The following ROCK2 variants were observed in gnomAD, a reference collection of about 807,000 sequenced individuals.
ROCK2 encodes the protein rho-associated protein kinase 2.
Under a neutral mutation model 195.1 loss-of-function variants are expected in ROCK2, and 61 were observed. The observed-to-expected ratio is 0.31, with a 90% CI of 0.25 to 0.39. The LOEUF is 0.39. Ranked by LOEUF, ROCK2 falls within the 10% of genes least tolerant of loss-of-function variation. The probability of loss-of-function intolerance (pLI) is 1.00; values close to 1 mark genes in which losing one functional copy is unlikely to be tolerated. For missense variants in ROCK2, 1,109 were observed against 1,637.4 expected (o/e 0.68, Z 5.57); for synonymous variants, 504 against 545.5 (o/e 0.92, Z 1.06).
chr2:11,244,276 T>G (rs1427885792), intron 4 of ROCK2, among the ~76,000 whole-genome samples: 1 of 152,190 alleles, frequency 6.6e-6, no homozygotes, highest in Admixed American at 6.5e-5. Flanking sequence ...GCCTCTTAGG[T>G]TGCAAAGCCT....
chr2:11,207,546 T>C (rs1381977756), intron 20 of ROCK2, among the ~76,000 whole-genome samples, 180 bp downstream of exon 20: 2 of 152,136 alleles, frequency 1.3e-5, no homozygotes, highest in Admixed American at 6.5e-5. Context: ...GTAAAAACTG[T>C]TGGGGAAACG....
Position 11,235,923 on chromosome 2 carries a change from C to T in ROCK2, c.502G>A (p.Val168Ile), listed in dbSNP as rs1016039350. Reference sequence around the variant, plus strand: ...TCTCCACCAGGCATGTACTCCATTACCATGTACAGATACCTATCATCTTGA... The same window carrying T: ...TCTCCACCAGGCATGTACTCCATTATCATGTACAGATACCTATCATCTTGA... The part of the protein sequence containing the change: ...AFQDDRYLYM[V>I]MEYMPGGDLV... Residue 168 changes from valine to isoleucine, a missense_variant, in exon 5 of 33, where the codon GTA becomes ATA. Physicochemically the swap from Val to Ile is conservative, Grantham distance 29. Around this residue, in one of 6 missense-constraint regions of ROCK2, gnomAD observed 253 missense variants for 455.5 expected, o/e 0.56. Coordinates refer to ENST00000315872, the MANE Select transcript of ROCK2 (RefSeq NM_004850.5). The surrounding 1 kb of genome is among the most constrained non-coding windows in gnomAD (Gnocchi z 4.2). The T allele has an allele frequency of 6.2e-7, 1 of 1,602,916 alleles. No individual in the cohort carries two copies.
intron 3 of ROCK2, among the ~76,000 whole-genome samples, chr2:11,270,810 A>T (rs998771197): frequency 6.6e-6 from 1 of 151,632 alleles, no homozygotes; most frequent in African/African-American, 2.4e-5. Flanking sequence ...TGGTTTGATA[A>T]TTTTAGTGTT....
chr2:11,325,565 T>C lies in ROCK2; in HGVS notation c.141+18431A>G, dbSNP rs568978108. ...AAGTTATTTAATATGGGGTGGGATA[T>C]GAGAGAAAGGGAGGAGTAAGGGACA... On this transcript the variant is annotated intron_variant, in intron 1 of 32. Coordinates refer to ENST00000315872, the MANE Select transcript of ROCK2 (RefSeq NM_004850.5). 2.0e-5 allele frequency among the ~76,000 whole-genome samples: 3 copies of C among 152,194 alleles called. No homozygotes were observed. The East Asian group carries it at 5.8e-4, about 29-fold the overall frequency.
chr2:11,343,096 T>C (rs188088425), intron 1 of ROCK2, among the ~76,000 whole-genome samples: 15 of 152,266 alleles, frequency 9.9e-5, no homozygotes, highest in Admixed American at 8.5e-4. Context: ...GTCAATTTAA[T>C]ACACAGAGTA....
At chr2:11,253,073 A>G (rs1160654380) in intron 3 of ROCK2, among the ~76,000 whole-genome samples, 3 of 152,008 alleles carry the variant, frequency 2.0e-5, no homozygotes, top group Admixed American at 6.6e-5. Flanking sequence ...GGGCTAGATT[A>G]CATCTGTCCA....
At chr2:11,253,251 C>T (rs1005732478) in intron 3 of ROCK2, among the ~76,000 whole-genome samples, 1 of 152,176 alleles carries the variant, frequency 6.6e-6, no homozygotes, top group Non-Finnish European at 1.5e-5. Flanking sequence ...ACCTTCCCGA[C>T]TTAAATCTTG....
rs758748287 is a variant in ROCK2 at position 11,192,232 on chromosome 2, C to T, written c.4079G>A (p.Arg1360Gln). 2 of 1,613,548 alleles carry T rather than the reference C, an allele frequency of 1.2e-6. No individual in the cohort carries two copies. Residue 1360 changes from arginine (R) to glutamine (Q), a missense_variant, in exon 32 of 33, where the codon CGA (arginine) becomes CAA (glutamine). Coordinates refer to ENST00000315872, the MANE Select transcript of ROCK2 (RefSeq NM_004850.5). The surrounding 1 kb of genome is among the most constrained non-coding windows in gnomAD (Gnocchi z 5.0). ...KKPPAPDPFA[R>Q]SSPRTSMKIQ... ...CTTCATTGAAGTTCTAGGAGATGATCGGGCAAAAGGGTCTGGAGCTGGGGG... is the reference window on the plus strand; with the variant it reads ...CTTCATTGAAGTTCTAGGAGATGATTGGGCAAAAGGGTCTGGAGCTGGGGG...
chr2:11,259,464 A>C (rs909215928), intron 3 of ROCK2, among the ~76,000 whole-genome samples: 2 of 151,356 alleles, frequency 1.3e-5, no homozygotes, highest in African/African-American at 4.9e-5. Context: ...ATTCAAAATC[A>C]TACAAATATG....
At chr2:11,280,995 A>G (rs896131697) in intron 3 of ROCK2, among the ~76,000 whole-genome samples, 1 of 152,136 alleles carries the variant, frequency 6.6e-6, no homozygotes, top group South Asian at 2.1e-4. Flanking sequence ...CCTCAACAAA[A>G]TATTAGCCAA....
chr2:11,264,468 C>T (rs147861223), intron 3 of ROCK2, among the ~76,000 whole-genome samples: 8 of 152,188 alleles, frequency 5.3e-5, no homozygotes, highest in African/African-American at 1.2e-4. Context: ...CCATTTACTA[C>T]GATCAGAAAG....
intron 1 of ROCK2, among the ~76,000 whole-genome samples, chr2:11,311,373 A>G (rs1668031132): frequency 1.3e-5 from 2 of 152,174 alleles, no homozygotes; most frequent in African/African-American, 4.8e-5. Context: ...ACAAAGTTGC[A>G]GCTCTGAAGT....
chr2:11,263,604 T>A (rs1352748186), intron 3 of ROCK2, among the ~76,000 whole-genome samples: 3 of 140,616 alleles, frequency 2.1e-5, no homozygotes, highest in Non-Finnish European at 3.1e-5. Context: ...TTTACATTAT[T>A]AAAAAAAAAA....
At chr2:11,194,885 ACAAAAGC>A in intron 28 of ROCK2, 63 bp downstream of exon 28, 2 of 829,414 alleles carry the variant, frequency 2.4e-6, no homozygotes, top group Non-Finnish European at 3.8e-6. Context: ...TCCTACAACT[ACAAAAGC>A]CAAATGACTA....
intron 20 of ROCK2, among the ~76,000 whole-genome samples, chr2:11,206,170 T>C (rs1234443871): frequency 2.6e-5 from 4 of 152,120 alleles, no homozygotes; most frequent in African/African-American, 9.7e-5. Flanking sequence ...CCTTCAATTT[T>C]AACCCTACAA....
chr2:11,215,567 C>T lies in ROCK2; in HGVS notation c.1540G>A (p.Glu514Lys). 6.2e-7 allele frequency: 1 copy of T among 1,613,658 alleles called. No individual in the cohort carries two copies. The highest frequency in any genetic ancestry group is 8.5e-7 in the Non-Finnish European group (1 of 1,179,820). Residue 514 changes from glutamate (E) to lysine (K), a missense_variant, in exon 14 of 33, where the codon GAA (glutamate) becomes AAA (lysine). Physicochemically the swap from Glu to Lys is moderately conservative, Grantham distance 56. This residue lies in a region of ROCK2 where 542 missense variants were observed against 672.0 expected (regional missense o/e 0.81). Transcript: ENST00000315872. ...TCATGATCAGCTTTCCTCTGATATTCTGCATTTTTGTGCTGAAGAAGCGCC... is the reference window on the plus strand; with the variant it reads ...TCATGATCAGCTTTCCTCTGATATTTTGCATTTTTGTGCTGAAGAAGCGCC... ...EKALLQHKNA[E>K]YQRKADHEAD...
At chr2:11,291,881 G>A (rs1667373354) in intron 1 of ROCK2, among the ~76,000 whole-genome samples, 1 of 152,094 alleles carries the variant, frequency 6.6e-6, no homozygotes, top group African/African-American at 2.4e-5. Flanking sequence ...GAGAAGAGGG[G>A]ACTAAAAAGG....
intron 3 of ROCK2, among the ~76,000 whole-genome samples, chr2:11,261,677 C>T (rs561408661): frequency 8.6e-5 from 13 of 152,026 alleles, no homozygotes; most frequent in African/African-American, 1.4e-4. Context: ...ATTAGGCGGG[C>T]GTGGTGGCAG....
chr2:11,280,652 C>G (rs1368845129), intron 3 of ROCK2, among the ~76,000 whole-genome samples: 1 of 151,994 alleles, frequency 6.6e-6, no homozygotes, highest in Non-Finnish European at 1.5e-5. Context: ...AATGATAACT[C>G]TATGCCCACA....
Sources: gnomAD v4.1 joint callset for allele counts (sites outside exome capture counted in the v4.1 genomes callset) on GRCh38, gnomAD v4.1.1 for gene constraint, gnomAD v4.1.1 regional missense constraint, Gnocchi (gnomAD v3.1) non-coding constraint, MANE v1.5 for transcripts, NCBI Gene and HGNC (gene_info 2026-07-23, HGNC 2026-07-21) for gene names.